The following GJB7 variants were observed in gnomAD, a reference collection of about 807,000 sequenced individuals.
The protein encoded by GJB7 is gap junction beta-7 protein.
For synonymous variants in GJB7, 87 were observed against 95.2 expected, an observed-to-expected ratio of 0.91 and a Z score of 0.50; for missense variants, 253 against 256.8, an observed-to-expected ratio of 0.99 and a Z score of 0.10.
intron 2 of GJB7, among the ~76,000 whole-genome samples, chr6:87,318,840 C>A (rs1454377668): frequency 6.6e-6 from 1 of 152,096 alleles, no homozygotes; most frequent in African/African-American, 2.4e-5. Context: ...TTTGGCTTGG[C>A]TTTCTGGTAG....
At chr6:87,305,555 T>C (rs890340585) in intron 2 of GJB7, among the ~76,000 whole-genome samples, 15 of 152,236 alleles carry the variant, frequency 9.9e-5, no homozygotes, top group African/African-American at 2.4e-5. Context: ...GAACATCCCG[T>C]GCTCATGGAT....
chr6:87,320,685 A>G (rs1020972260), intron 2 of GJB7, among the ~76,000 whole-genome samples: 7 of 152,180 alleles, frequency 4.6e-5, no homozygotes, highest in African/African-American at 1.7e-4. Context: ...GCCCATCTCA[A>G]AGCAGCGTGG....
At position 87,284,291 on chromosome 6, in the gene GJB7, TAATA is replaced by T; in HGVS notation, c.618_621del (p.Phe206LeufsTer9). ...TTTAAATATTTTTGGAGACAGCACTTAATAAAGCACTTGAGAACCAAAAAACTCA... is the reference window on the plus strand; with the variant it reads ...TTTAAATATTTTTGGAGACAGCACTTAAGCACTTGAGAACCAAAAAACTCA... On this transcript the variant is annotated frameshift_variant, in exon 3 of 3. Coordinates refer to ENST00000525899, the MANE Select transcript of GJB7 (RefSeq NM_198568.3). LOFTEE classifies it high-confidence loss of function. 6 of 1,613,992 alleles carry T rather than the reference TAATA, an allele frequency of 3.7e-6. No individual in the cohort carries two copies. Among genetic ancestry groups the T allele is most frequent in the Non-Finnish European group, 5.1e-6 (6 of 1,179,926 alleles).
rs116288661 is a variant in GJB7 at position 87,284,763 on chromosome 6, C to G, written c.150G>C (p.Glu50Asp). 1.6e-4 allele frequency: 256 copies of G among 1,614,106 alleles called. 1 individual carries two copies. The African/African-American group carries it at 3.3e-3, about 21-fold the overall frequency. Residue 50 changes from glutamate to aspartate, a missense_variant, in exon 3 of 3, where the codon GAG becomes GAC. By Grantham distance (45) the Glu-to-Asp change is conservative (BLOSUM62 2). Transcript: ENST00000525899. ...CGGGCTGTCTACTGTTGCACTCAAACTCTTTCTGCTCATCTTTCCACACGT... is the reference window on the plus strand; with the variant it reads ...CGGGCTGTCTACTGTTGCACTCAAAGTCTTTCTGCTCATCTTTCCACACGT... ...AEHVWKDEQK[E>D]FECNSRQPGC...
At chr6:87,301,586 AG>A (rs1170546316) in intron 2 of GJB7, among the ~76,000 whole-genome samples, 2 of 152,210 alleles carry the variant, frequency 1.3e-5, no homozygotes, top group African/African-American at 4.8e-5. Context: ...CTGCCTGTAT[AG>A]ACTCCCCCTC....
At chr6:87,286,134 C>T (rs1023752781) in intron 2 of GJB7, among the ~76,000 whole-genome samples, 2 of 152,192 alleles carry the variant, frequency 1.3e-5, no homozygotes, top group Admixed American at 6.5e-5. Flanking sequence ...AAATCTCACT[C>T]ATCCCCATGG....
rs542404261 is a variant in GJB7, at chr6:87,287,838, T to G, written c.-27-2899A>C. Among the ~76,000 whole-genome samples, 11 of 152,296 alleles carry G rather than the reference T, an allele frequency of 7.2e-5. No homozygotes were observed. The East Asian group carries it at 2.1e-3, about 29-fold the overall frequency. On this transcript the variant is annotated intron_variant, in intron 2 of 2. Transcript: ENST00000525899. The stretch of plus-strand genomic sequence containing the variant: ...AAAAGTGACTGATCTTTGAATATAA[T>G]CAGAGGATGATGGCATCAAATGTCA...
chr6:87,302,129 C>A (rs1370090723), intron 2 of GJB7, among the ~76,000 whole-genome samples: 1 of 152,220 alleles, frequency 6.6e-6, no homozygotes, highest in African/African-American at 2.4e-5. Flanking sequence ...ACCTCTCCCC[C>A]TCCAAAGGAA....
Position 87,294,688 on chromosome 6 carries a change from G to C in GJB7, c.-27-9749C>G, listed in dbSNP as rs140735436. Among the ~76,000 whole-genome samples, 960 of 152,326 alleles carry C rather than the reference G, an allele frequency of 6.3e-3. 3 individuals carry two copies. The highest frequency in any genetic ancestry group is 9.6e-3 in the Non-Finnish European group (651 of 68,030). ...ATAGGGCCTTTGACAAACTCAAGTA[G>C]GTCTAAAAGACAGTGACCAGGGTGA... On this transcript the variant is annotated intron_variant, in intron 2 of 2. Transcript: ENST00000525899.
chr6:87,309,988 T>G (rs1776492813), intron 2 of GJB7, among the ~76,000 whole-genome samples: 1 of 152,228 alleles, frequency 6.6e-6, no homozygotes, highest in Non-Finnish European at 1.5e-5. Context: ...GATCACTCTT[T>G]CATGCAACAG....
At chr6:87,286,514 A>C (rs565284123) in intron 2 of GJB7, among the ~76,000 whole-genome samples, 1 of 152,190 alleles carries the variant, frequency 6.6e-6, no homozygotes, top group South Asian at 2.1e-4. Context: ...CTTCTAGTAC[A>C]TCCACGATGC....
intron 2 of GJB7, among the ~76,000 whole-genome samples, chr6:87,290,958 C>T (rs189828348): frequency 1.8e-4 from 28 of 152,248 alleles, no homozygotes; most frequent in Non-Finnish European, 2.9e-4. Flanking sequence ...CAACACATAA[C>T]GGGTATGCTC....
At chr6:87,289,983 G>A (rs969849823) in intron 2 of GJB7, among the ~76,000 whole-genome samples, 16 of 152,154 alleles carry the variant, frequency 1.1e-4, no homozygotes, top group Non-Finnish European at 1.9e-4. Flanking sequence ...GACTGCCAGC[G>A]ACACTCCCTG....
chr6:87,293,462 G>GT (rs567613574), intron 2 of GJB7, among the ~76,000 whole-genome samples: 2,532 of 146,332 alleles, frequency 0.017, 34 homozygotes, highest in Non-Finnish European at 0.025. Flanking sequence ...TTTTGTTTTT[G>GT]TTTTTTTTTT....
At chr6:87,311,513 G>C (rs575992484) in intron 2 of GJB7, among the ~76,000 whole-genome samples, 53 of 152,300 alleles carry the variant, frequency 3.5e-4, no homozygotes, top group Non-Finnish European at 3.7e-4. Context: ...AAATCACAGA[G>C]GAATATATAC....
intron 1 of GJB7, among the ~76,000 whole-genome samples, chr6:87,328,482 A>C (rs181234244): frequency 0.4 from 59,513 of 150,310 alleles, 12,817 homozygotes; most frequent in Non-Finnish European, 0.48. Flanking sequence ...ACAGGACCGT[A>C]AGCTTCAGGT....
chr6:87,308,890 G>A (rs1470989497), intron 2 of GJB7, among the ~76,000 whole-genome samples: 2 of 151,998 alleles, frequency 1.3e-5, no homozygotes, highest in Admixed American at 6.6e-5. Context: ...CATATATGAC[G>A]TGCTGAAAGA....
intron 2 of GJB7, among the ~76,000 whole-genome samples, chr6:87,306,828 T>C (rs561644131): frequency 6.6e-6 from 1 of 152,292 alleles, no homozygotes; most frequent in East Asian, 1.9e-4. Context: ...ATATACACCA[T>C]GGAATATTAT....
intron 2 of GJB7, among the ~76,000 whole-genome samples, chr6:87,307,376 A>G (rs1026842644): frequency 1.3e-5 from 2 of 152,162 alleles, no homozygotes; most frequent in East Asian, 3.9e-4. Context: ...TTGACAAATG[A>G]GATCTAATTA....
Sources: allele counts gnomAD v4.1 joint callset (sites outside exome capture counted in the v4.1 genomes callset), GRCh38; gene constraint gnomAD v4.1.1; transcripts MANE v1.5; gene names NCBI Gene and HGNC (gene_info 2026-07-23, HGNC 2026-07-21).